Variants in PCDHA8 observed in about 807,000 individuals in gnomAD.
PCDHA8 encodes the protein protocadherin alpha-8.
A neutral mutation model predicts 61.8 loss-of-function variants in PCDHA8; 53 were observed. That is an observed-to-expected ratio of 0.86 (90% confidence interval 0.69 to 1.08). The LOEUF (loss-of-function observed/expected upper bound fraction) is 1.08, where lower values mean the gene tolerates loss of function less well. Among genes scored for constraint, PCDHA8 ranks in the 50% least tolerant of loss-of-function variants. The probability of loss-of-function intolerance (pLI) is 0.00; values close to 1 mark genes in which losing one functional copy is unlikely to be tolerated. For missense variants in PCDHA8, 1,293 were observed against 1,245.0 expected (o/e 1.04, Z -0.58); for synonymous variants, 618 against 556.6 (o/e 1.11, Z -1.55).
At position 140,968,680 on chromosome 5, in the gene PCDHA8, C is replaced by T. The variant is rs546565550; in HGVS notation, c.2395-10269C>T. 10 of 1,614,154 alleles carry T rather than the reference C, an allele frequency of 6.2e-6. No homozygotes were observed. The South Asian group carries it at 6.6e-5, about 11-fold the overall frequency. ...TGGACCTCTTTAAGGTAGAGCTGCA[C>T]ACAGGAGAAATTAGGACTACCAGGA... On this transcript the variant is annotated intron_variant, in intron 1 of 3. Coordinates refer to ENST00000531613, the MANE Select transcript of PCDHA8 (RefSeq NM_018911.3).
intron 1 of PCDHA8, among the ~76,000 whole-genome samples, chr5:140,946,310 A>G (rs562859671): frequency 2.6e-5 from 4 of 152,074 alleles, no homozygotes; most frequent in African/African-American, 4.8e-5. Context: ...TAGAATGGCT[A>G]TTATTGAAAG....
At chr5:140,988,571 C>T (rs1438476188) in intron 3 of PCDHA8, among the ~76,000 whole-genome samples, 7 of 152,168 alleles carry the variant, frequency 4.6e-5, no homozygotes, top group Non-Finnish European at 1.0e-4. Flanking sequence ...TGGGAAAACA[C>T]TCTGTACCTT....
intron 1 of PCDHA8, chr5:140,876,415 G>A (rs782679956): frequency 6.2e-7 from 1 of 1,613,960 alleles, no homozygotes. Flanking sequence ...AGAGAATAAT[G>A]CCTATGAAAT....
intron 1 of PCDHA8, among the ~76,000 whole-genome samples, chr5:140,971,471 G>A (rs1274091500): frequency 1.3e-5 from 2 of 152,172 alleles, no homozygotes; most frequent in African/African-American, 4.8e-5. Context: ...TATAGGGAGA[G>A]AGTGTCACAT....
chr5:140,858,176 G>A, intron 1 of PCDHA8: 1 of 1,597,746 alleles, frequency 6.3e-7, no homozygotes, highest in Non-Finnish European at 8.6e-7. Flanking sequence ...CAGCTTGCTG[G>A]TGCTCACGCT....
intron 3 of PCDHA8, among the ~76,000 whole-genome samples, chr5:141,002,672 C>A (rs1301536253): frequency 6.6e-6 from 1 of 152,292 alleles, no homozygotes; most frequent in African/African-American, 2.4e-5. Context: ...AGGACCAAAA[C>A]CTATACGACG....
intron 1 of PCDHA8, among the ~76,000 whole-genome samples, chr5:140,938,135 A>T (rs926775458): frequency 1.3e-5 from 2 of 152,198 alleles, no homozygotes; most frequent in Non-Finnish European, 2.9e-5. Flanking sequence ...AAATAGAGAT[A>T]GAGTCTCACT....
rs150463901 is a variant in PCDHA8, at chr5:140,882,560, C to A, written c.2394+38845C>A. 1.3e-3 allele frequency: 2,163 copies of A among 1,614,168 alleles called. 36 individuals carry two copies. Among genetic ancestry groups the A allele is most frequent in the Admixed American group, 1.6e-3 (95 of 60,010 alleles). ...GATCGACCGCGAGGAGCTGTGTGGG[C>A]GGAGCGCGGAGTGCAGCATCCACCT... On this transcript the variant is annotated intron_variant, in intron 1 of 3. Coordinates refer to ENST00000531613, the MANE Select transcript of PCDHA8 (RefSeq NM_018911.3).
At chr5:140,963,722 T>G (rs948660694) in intron 1 of PCDHA8, among the ~76,000 whole-genome samples, 2 of 152,242 alleles carry the variant, frequency 1.3e-5, no homozygotes, top group Non-Finnish European at 2.9e-5. Flanking sequence ...ACATATAGAC[T>G]GCCAACTAAG....
intron 1 of PCDHA8, among the ~76,000 whole-genome samples, chr5:140,959,596 A>G (rs2095498979): frequency 6.6e-6 from 1 of 152,224 alleles, no homozygotes; most frequent in Non-Finnish European, 1.5e-5. Flanking sequence ...AGCCAAGTAT[A>G]ACATGCTTTT....
Position 140,884,585 on chromosome 5 carries a change from A to G in PCDHA8, c.2394+40870A>G, listed in dbSNP as rs2060279044. 1.9e-6 allele frequency: 3 copies of G among 1,614,072 alleles called. No individual in the cohort carries two copies. The South Asian group carries it at 3.3e-5, about 18-fold the overall frequency. On this transcript the variant is annotated intron_variant, in intron 1 of 3. Coordinates refer to ENST00000531613, the MANE Select transcript of PCDHA8 (RefSeq NM_018911.3). ...GCATAAGACGGACCTCATGGCCTTC[A>G]GTCCCAGCCTTCCTCCTTGTCTGGG...
intron 3 of PCDHA8, among the ~76,000 whole-genome samples, chr5:140,996,093 A>G (rs2097711389): frequency 6.6e-6 from 1 of 152,210 alleles, no homozygotes; most frequent in South Asian, 2.1e-4. Flanking sequence ...GCTAGATTAC[A>G]TGGAATGGTA....
intron 1 of PCDHA8, chr5:140,869,142 A>G: frequency 6.2e-7 from 1 of 1,613,402 alleles, no homozygotes; most frequent in Non-Finnish European, 8.5e-7. Context: ...GCACCCCACG[A>G]CTACAGCTCT....
chr5:140,926,798 C>G, intron 1 of PCDHA8: 2 of 1,455,342 alleles, frequency 1.4e-6, no homozygotes, highest in Non-Finnish European at 1.8e-6. Flanking sequence ...GGAGCGTGCT[C>G]TTCCCCGCGG....
intron 1 of PCDHA8, among the ~76,000 whole-genome samples, chr5:140,897,748 C>G (rs565250286): frequency 6.6e-5 from 10 of 152,214 alleles, no homozygotes; most frequent in Non-Finnish European, 1.5e-4. Flanking sequence ...GTTCTAGATC[C>G]CTGAGGAATC....
intron 1 of PCDHA8, among the ~76,000 whole-genome samples, chr5:140,924,530 C>T (rs1263885513): frequency 6.6e-6 from 1 of 152,002 alleles, no homozygotes; most frequent in Non-Finnish European, 1.5e-5. Context: ...AGAGAATGCC[C>T]GAGCTACCCC....
chr5:140,876,623 A>G (rs2056465121), intron 1 of PCDHA8: 1 of 1,614,086 alleles, frequency 6.2e-7, no homozygotes, highest in East Asian at 2.2e-5. Context: ...GCCAATGGAC[A>G]GGTCATCTGC....
rs146587864 is a variant in PCDHA8 at position 140,950,030 on chromosome 5, A to G, written c.2395-28919A>G. Among the ~76,000 whole-genome samples the G allele has an allele frequency of 2.6e-4, 39 of 152,064 alleles. 1 individual carries two copies. The East Asian group carries it at 4.8e-3, about 19-fold the overall frequency. On this transcript the variant is annotated intron_variant, in intron 1 of 3. Transcript: ENST00000531613. ...TGTACAACCTTCATAAAATATAGAA[A>G]AGTTACAACCATATAAGACTATTTA...
At chr5:140,963,198 A>G (rs2095745338) in intron 1 of PCDHA8, among the ~76,000 whole-genome samples, 1 of 151,784 alleles carries the variant, frequency 6.6e-6, no homozygotes, top group South Asian at 2.1e-4. Context: ...GTGAAAATGA[A>G]AAAAAAAACC....
Sources: allele counts gnomAD v4.1 joint callset (sites outside exome capture counted in the v4.1 genomes callset), GRCh38; gene constraint gnomAD v4.1.1; transcripts MANE v1.5; gene names NCBI Gene and HGNC (gene_info 2026-07-23, HGNC 2026-07-21).